Variants in THRAP3 observed in about 807,000 individuals in gnomAD.
THRAP3 encodes the protein thyroid hormone receptor-associated protein 3.
A neutral mutation model predicts 101.0 loss-of-function variants in THRAP3; 16 were observed. The observed-to-expected ratio is 0.16, with a 90% CI of 0.11 to 0.24. The LOEUF (loss-of-function observed/expected upper bound fraction) is 0.24. THRAP3 is among the 10% of genes least tolerant of loss of function. THRAP3 has a pLI of 1.00. For missense variants in THRAP3, 989 were observed against 1,202.7 expected (o/e 0.82, Z 2.63); for synonymous variants, 407 against 422.6 (o/e 0.96, Z 0.45).
intron 2 of THRAP3, among the ~76,000 whole-genome samples, chr1:36,274,130 A>G (rs1645626745): frequency 1.3e-5 from 2 of 151,856 alleles, no homozygotes; most frequent in South Asian, 2.1e-4. Context: ...CTGTATTTCT[A>G]TACAGTAGCA....
At chr1:36,278,087 C>T (rs1377287278) in intron 2 of THRAP3, among the ~76,000 whole-genome samples, 7 of 125,560 alleles carry the variant, frequency 5.6e-5, no homozygotes, top group East Asian at 4.9e-4. Context: ...TTTTTTAAGA[C>T]GGAGTCCTGC....
intron 1 of THRAP3, among the ~76,000 whole-genome samples, chr1:36,259,027 T>C (rs1645411019): frequency 6.6e-6 from 1 of 152,226 alleles, no homozygotes; most frequent in Non-Finnish European, 1.5e-5. Context: ...TTAATATACT[T>C]CTGTTCATTG....
intron 8 of THRAP3, 133 bp downstream of exon 8, chr1:36,294,068 A>G: frequency 6.8e-7 from 1 of 1,467,656 alleles, no homozygotes; most frequent in Non-Finnish European, 9.0e-7. Context: ...TAATTCTAAA[A>G]ATGAACTACA....
chr1:36,288,037 T>A, intron 4 of THRAP3: 1 of 960,054 alleles, frequency 1.0e-6, no homozygotes, highest in Non-Finnish European at 1.2e-6. Context: ...TTTTGATCCC[T>A]TGATTCTTCT....
chr1:36,239,004 G>T (rs1645123484), intron 1 of THRAP3, among the ~76,000 whole-genome samples: 1 of 151,888 alleles, frequency 6.6e-6, no homozygotes, highest in South Asian at 2.1e-4. Context: ...CGCGATCTCG[G>T]CTCACTGCAA....
the THRAP3 span, among the ~76,000 whole-genome samples, chr1:36,211,040 T>C: frequency 1.3e-5 from 2 of 150,250 alleles, no homozygotes. Flanking sequence ...AGTGAGACCC[T>C]CTCTCCACAT....
chr1:36,243,933 C>A (rs1223408554), intron 1 of THRAP3, among the ~76,000 whole-genome samples: 9 of 113,230 alleles, frequency 7.9e-5, no homozygotes, highest in Admixed American at 2.5e-4. Flanking sequence ...GCTGACCCCC[C>A]CACCTCCCTC....
At position 36,303,812 on chromosome 1, in the gene THRAP3, G is replaced by T. The variant is rs747816771; in HGVS notation, c.2663G>T (p.Gly888Val). Residue 888 changes from glycine to valine, a missense_variant, in exon 12 of 12, where the codon GGC (glycine) becomes GTC (valine). Gly to Val is a moderately radical substitution (Grantham distance 109, BLOSUM62 -3). Coordinates refer to ENST00000354618, the MANE Select transcript of THRAP3 (RefSeq NM_005119.4). ...KKYYLHDDRE[G>V]EGSDKWVSRG... ...TCCCCTCAGCATGATGACCGTGAAG[G>T]CGAAGGCAGTGACAAGTGGGTGAGC... is the stretch of plus-strand genomic sequence containing the variant. The T allele has an allele frequency of 1.7e-5, 28 of 1,613,986 alleles. No homozygotes were observed. Among genetic ancestry groups the T allele is most frequent in the Non-Finnish European group, 2.4e-5 (28 of 1,180,004 alleles).
At chr1:36,296,489 A>C in intron 8 of THRAP3, 94 bp from the exon 9 acceptor site, 2 of 987,448 alleles carry the variant, frequency 2.0e-6, no homozygotes, top group Non-Finnish European at 3.0e-6. Context: ...CTTCCTCTGC[A>C]CCCCTCCATT....
intron 1 of THRAP3, among the ~76,000 whole-genome samples, chr1:36,236,251 G>T (rs952105428): frequency 2.0e-5 from 1 of 49,144 alleles, no homozygotes; most frequent in Non-Finnish European, 6.6e-5. Flanking sequence ...CTTCATGACA[G>T]ACTGGGCGCA....
chr1:36,291,254 C>A, intron 5 of THRAP3, 120 bp from the exon 6 acceptor site: 1 of 1,055,558 alleles, frequency 9.5e-7, no homozygotes, highest in South Asian at 1.7e-5. Flanking sequence ...CTTTCAACTT[C>A]GGTAGGAAGA....
chr1:36,292,614 C>A lies in THRAP3; in HGVS notation c.1935C>A (p.Ser645=), dbSNP rs141205504. Reference sequence around the variant, plus strand: ...TCCCAACAGAGCATCACTTTGGGTCCTCAGGAATGACATTACATGAACGCT... The same window carrying A: ...TCCCAACAGAGCATCACTTTGGGTCATCAGGAATGACATTACATGAACGCT... ...VHHVKEHHFG[S]SGMTLHERFT... The change falls in exon 7 of 12, where the codon TCC becomes TCA. Residue 645 remains serine, a synonymous_variant. Transcript: ENST00000354618. The A allele has an allele frequency of 6.6e-4, 1,065 of 1,613,172 alleles. 4 individuals are homozygous for A. In the African/African-American group the frequency reaches 0.011, roughly 16 times the overall value.
intron 2 of THRAP3, among the ~76,000 whole-genome samples, chr1:36,274,625 C>CTTTTTTTTTTTTTTTT (rs573419051): frequency 1.7e-5 from 1 of 59,288 alleles, no homozygotes; most frequent in African/African-American, 6.4e-5. Context: ...ATTAATTGGG[C>CTTTTTTTTTTTTTTTT]TTTTTTTTTT....
rs186137940 is a variant in THRAP3 at position 36,302,927 on chromosome 1, A to G, written c.2647-869A>G. On this transcript the variant is annotated intron_variant, in intron 11 of 11. Transcript: ENST00000354618. ...CCTCCTTGCATAAAACAGGGGAGATACAAAATGAGAGTGTGGAGGTGGAGG... is the reference window on the plus strand; with the variant it reads ...CCTCCTTGCATAAAACAGGGGAGATGCAAAATGAGAGTGTGGAGGTGGAGG... Among the ~76,000 whole-genome samples, 280 of 152,240 alleles carry G rather than the reference A, an allele frequency of 1.8e-3. 2 individuals are homozygous for G. The highest frequency in any genetic ancestry group is 3.7e-4 in the Non-Finnish European group (25 of 68,012).
chr1:36,210,959 C>T, the THRAP3 span, among the ~76,000 whole-genome samples: 5 of 150,162 alleles, frequency 3.3e-5, no homozygotes, highest in African/African-American at 4.9e-5. Flanking sequence ...ATGATGTAAT[C>T]CTGGCACTCT....
chr1:36,209,439 C>CTCAA, the THRAP3 span, among the ~76,000 whole-genome samples: 3 of 152,146 alleles, frequency 2.0e-5, no homozygotes, highest in African/African-American at 7.2e-5. Flanking sequence ...CATCCCTGGC[C>CTCAA]TCAATACCCA....
chr1:36,288,708 G>A (rs1157469849), intron 4 of THRAP3: 1 of 985,440 alleles, frequency 1.0e-6, no homozygotes, highest in African/African-American at 1.7e-5. Context: ...CTGAGTGAAG[G>A]TTGGGTAAGA....
At chr1:36,303,039 G>A (rs891151176) in intron 11 of THRAP3, among the ~76,000 whole-genome samples, 3 of 151,884 alleles carry the variant, frequency 2.0e-5, no homozygotes, top group Non-Finnish European at 2.9e-5. Flanking sequence ...TCTGCCTCCT[G>A]GATTCAAGCA....
intron 1 of THRAP3, among the ~76,000 whole-genome samples, chr1:36,241,637 G>A (rs1012605963): frequency 2.0e-5 from 3 of 147,878 alleles, no homozygotes; most frequent in African/African-American, 5.1e-5. Flanking sequence ...GGAGTGCAGT[G>A]GCGTGATCTT....
Sources: gnomAD v4.1 joint callset for allele counts (sites outside exome capture counted in the v4.1 genomes callset) on GRCh38, gnomAD v4.1.1 for gene constraint, MANE v1.5 for transcripts, NCBI Gene and HGNC (gene_info 2026-07-23, HGNC 2026-07-21) for gene names.